CLNK: variants seen among roughly 807,000 people sequenced by gnomAD.
CLNK encodes cytokine-dependent hematopoietic cell linker.
A neutral mutation model predicts 68.6 loss-of-function variants in CLNK; 74 were observed. The observed-to-expected ratio is 1.08, with a 90% CI of 0.89 to 1.31. CLNK has a LOEUF of 1.31. CLNK is among the 50% of genes most tolerant of loss of function. The probability of loss-of-function intolerance (pLI) is 0.00; values close to 1 mark genes in which losing one functional copy is unlikely to be tolerated. For synonymous variants in CLNK, 198 were observed against 172.2 expected (o/e 1.15, Z -1.17); for missense variants, 553 against 515.3 (o/e 1.07, Z -0.71).
chr4:10,634,565 C>G (rs1287606118), intron 2 of CLNK, among the ~76,000 whole-genome samples: 1 of 152,236 alleles, frequency 6.6e-6, no homozygotes. Context: ...TGGGCTTACA[C>G]TGTGCACCGA....
In CLNK at chr4:10,488,461, T is replaced by G. The variant is rs1032507450; in HGVS notation, c.*2006A>C. 3 of 152,264 alleles carry G rather than the reference T, an allele frequency of 2.0e-5. No individual in the cohort carries two copies. The highest frequency in any genetic ancestry group is 7.2e-5 in the African/African-American group (3 of 41,458). 9.4% of individuals were successfully genotyped at this position (152,264 alleles called of 1,614,324 possible). On this transcript the variant is annotated 3_prime_UTR_variant, in exon 19 of 19. Coordinates refer to ENST00000226951, the MANE Select transcript of CLNK (RefSeq NM_052964.4). ...CTGTAAAGTCCTTGTTTCCATACTG[T>G]CCCTGGCTTGTTGAATTCCAGTAGA...
chr4:10,544,325 A>G (rs1179524233), intron 8 of CLNK, among the ~76,000 whole-genome samples: 2 of 152,228 alleles, frequency 1.3e-5, no homozygotes, highest in Non-Finnish European at 2.9e-5. Context: ...TATTGAGCAC[A>G]TAGTATGTGT....
chr4:10,707,873 A>G, the CLNK span, among the ~76,000 whole-genome samples: 1 of 152,226 alleles, frequency 6.6e-6, no homozygotes, highest in African/African-American at 2.4e-5. Flanking sequence ...AGAGGTAAAG[A>G]GGCGATGATG....
At position 10,508,003 on chromosome 4, in the gene CLNK, A is replaced by G. The variant is rs1170455817; in HGVS notation, c.940T>C (p.Tyr314His). The change falls in exon 17 of 19, where the codon TAC becomes CAC. Residue 314 changes from tyrosine to histidine, a missense_variant. Coordinates refer to ENST00000226951, the MANE Select transcript of CLNK (RefSeq NM_052964.4). ...GCCTCTTCCACTGCCTGGCGGCTGT[A>G]TTCTCCAATGTACCATTCATTGTGC... is the stretch of plus-strand genomic sequence containing the variant. Reference protein sequence around the residue: ...VQHNEWYIGEYSRQAVEEAFM... With the variant: ...VQHNEWYIGEHSRQAVEEAFM... The G allele has an allele frequency of 6.2e-7, 1 of 1,611,378 alleles. No individual in the cohort carries two copies. The highest frequency in any genetic ancestry group is 1.3e-5 in the African/African-American group (1 of 74,918).
At chr4:10,700,855 T>C in the CLNK span, among the ~76,000 whole-genome samples, 1 of 152,204 alleles carries the variant, frequency 6.6e-6, no homozygotes, top group East Asian at 1.9e-4. Flanking sequence ...ATATTGATTA[T>C]ATATATGTAC....
intron 2 of CLNK, among the ~76,000 whole-genome samples, chr4:10,621,823 T>G (rs1418007707): frequency 6.6e-6 from 1 of 152,204 alleles, no homozygotes. Context: ...GTCCTGTGAT[T>G]AGACTCTGGG....
the CLNK span, among the ~76,000 whole-genome samples, chr4:10,691,205 A>G: frequency 6.6e-6 from 1 of 152,120 alleles, no homozygotes; most frequent in Non-Finnish European, 1.5e-5. Context: ...AAGTTTTAAT[A>G]TGTATTGGGG....
At chr4:10,513,383 T>TC in intron 16 of CLNK, 81 bp downstream of exon 16, 26 of 1,301,774 alleles carry the variant, frequency 2.0e-5, no homozygotes, top group Non-Finnish European at 2.7e-5. Context: ...ATAAATAATC[T>TC]CCTTTTGGGC....
chr4:10,700,026 G>GTA, the CLNK span, among the ~76,000 whole-genome samples: 1 of 151,326 alleles, frequency 6.6e-6, no homozygotes, highest in Non-Finnish European at 1.5e-5. Flanking sequence ...GTGTGTGTGT[G>GTA]TATATATATA....
chr4:10,524,089 A>AGGG (rs2109051007), intron 14 of CLNK: 1 of 192,736 alleles, frequency 5.2e-6, no homozygotes, highest in South Asian at 6.5e-5. Flanking sequence ...AAAAGAGAAG[A>AGGG]GGAGGAGGAG....
intron 12 of CLNK, 45 bp downstream of exon 12, chr4:10,532,211 C>T (rs1187597713): frequency 6.6e-7 from 1 of 1,520,784 alleles, no homozygotes; most frequent in Non-Finnish European, 9.1e-7. Context: ...CATTTAATGC[C>T]TCAAAATTCC....
intron 18 of CLNK, among the ~76,000 whole-genome samples, chr4:10,497,827 C>G (rs964363459): frequency 1.3e-5 from 2 of 152,222 alleles, no homozygotes; most frequent in African/African-American, 4.8e-5. Context: ...CTGGCACATG[C>G]AAAGGCACAC....
chr4:10,612,037 T>C (rs2108854758), intron 2 of CLNK, among the ~76,000 whole-genome samples: 1 of 152,362 alleles, frequency 6.6e-6, no homozygotes, highest in Non-Finnish European at 1.5e-5. Context: ...ACAGCCAGTA[T>C]TCCCACAATG....
At chr4:10,593,614 A>G (rs61795150) in intron 3 of CLNK, among the ~76,000 whole-genome samples, 6,231 of 152,280 alleles carry the variant, frequency 0.041, 183 homozygotes, top group Middle Eastern at 0.095. Flanking sequence ...AGATAGCACC[A>G]CTGCACTCCA....
At chr4:10,706,732 G>A in the CLNK span, among the ~76,000 whole-genome samples, 393 of 152,208 alleles carry the variant, frequency 2.6e-3, 3 homozygotes, top group African/African-American at 8.8e-3. Flanking sequence ...AAAGTGAAGC[G>A]TGGGCCACTC....
intron 2 of CLNK, among the ~76,000 whole-genome samples, chr4:10,612,046 T>G (rs942750251): frequency 3.3e-5 from 5 of 152,206 alleles, no homozygotes; most frequent in African/African-American, 9.6e-5. Context: ...ATTCCCACAA[T>G]GTCTACAATG....
chr4:10,598,933 C>A (rs763492931), intron 2 of CLNK, among the ~76,000 whole-genome samples: 1 of 152,212 alleles, frequency 6.6e-6, no homozygotes, highest in Non-Finnish European at 1.5e-5. Context: ...CTCCCTCCCA[C>A]GGGGCCCTTT....
chr4:10,573,595 C>T (rs1224810342), intron 4 of CLNK, among the ~76,000 whole-genome samples: 1 of 152,132 alleles, frequency 6.6e-6, no homozygotes, highest in African/African-American at 2.4e-5. Flanking sequence ...CCGGAAGGAG[C>T]AAATGAGCTC....
At chr4:10,592,301 A>T (rs1721207596) in intron 3 of CLNK, among the ~76,000 whole-genome samples, 1 of 151,562 alleles carries the variant, frequency 6.6e-6, no homozygotes, top group Admixed American at 6.6e-5. Context: ...AATACATATT[A>T]AAAAACAAAA....
Sources: gnomAD v4.1 joint callset for allele counts (sites outside exome capture counted in the v4.1 genomes callset) on GRCh38, gnomAD v4.1.1 for gene constraint, MANE v1.5 for transcripts, NCBI Gene and HGNC (gene_info 2026-07-23, HGNC 2026-07-21) for gene names.